ZNF746: variants seen among roughly 807,000 people sequenced by gnomAD.
ZNF746 encodes parkin-interacting substrate.
A neutral mutation model predicts 41.0 loss-of-function variants in ZNF746; 13 were observed. The observed-to-expected ratio is 0.32, with a 90% CI of 0.21 to 0.50. ZNF746 has a LOEUF of 0.50. Ranked by LOEUF, ZNF746 falls within the 20% of genes least tolerant of loss-of-function variation. The pLI, the probability that ZNF746 is intolerant of heterozygous loss-of-function variation, is 0.98. For missense variants in ZNF746, 811 were observed against 922.9 expected (o/e 0.88, Z 1.57); for synonymous variants, 424 against 396.2 (o/e 1.07, Z -0.83).
intron 4 of ZNF746, chr7:149,489,025 T>C (rs1800710451): frequency 6.6e-6 from 1 of 152,206 alleles, no homozygotes; most frequent in African/African-American, 2.4e-5. Flanking sequence ...TCAACATGGA[T>C]AAGTCTGAAA....
intron 4 of ZNF746, among the ~76,000 whole-genome samples, chr7:149,492,217 C>T (rs1275469466): frequency 6.6e-6 from 1 of 152,188 alleles, no homozygotes; most frequent in Non-Finnish European, 1.5e-5. Context: ...GACAGCTAGA[C>T]CAACCACTCC....
intron 6 of ZNF746, among the ~76,000 whole-genome samples, chr7:149,475,719 C>G (rs1357748536): frequency 6.6e-6 from 1 of 152,216 alleles, no homozygotes; most frequent in African/African-American, 2.4e-5. Flanking sequence ...ATCTGCTCCC[C>G]AGGCTCCATT....
At chr7:149,477,869 A>G (rs2116644367) in intron 4 of ZNF746, 114 bp from the exon 5 acceptor site, 1 of 857,700 alleles carries the variant, frequency 1.2e-6, no homozygotes, top group African/African-American at 1.7e-5. Flanking sequence ...CAACAGCAAA[A>G]GAGCCTGGTG....
At chr7:149,487,489 A>G (rs887212945) in intron 4 of ZNF746, 2 of 152,330 alleles carry the variant, frequency 1.3e-5, no homozygotes, top group East Asian at 3.9e-4. Flanking sequence ...ACGATGTCCT[A>G]GTCAAACTGC....
intron 1 of ZNF746, among the ~76,000 whole-genome samples, chr7:149,495,720 G>A (rs1703022002): frequency 2.6e-5 from 4 of 152,160 alleles, no homozygotes; most frequent in African/African-American, 7.2e-5. Flanking sequence ...GAATGCGGAT[G>A]GACAGCTCAA....
chr7:149,497,399 G>C lies in ZNF746; in HGVS notation c.24+114C>G. On this transcript the variant is annotated intron_variant, in intron 1 of 6. Transcript: ENST00000458143. The surrounding 1 kb of genome is among the most constrained non-coding windows in gnomAD (Gnocchi z 4.2). ...CCCATTCGCGGGAGCCCCAGGCCCG[G>C]TGGTCCGGCCCGGACCCCGGAACCC... The C allele has an allele frequency of 9.9e-6, 10 of 1,009,434 alleles. No individual in the cohort carries two copies. Among genetic ancestry groups the C allele is most frequent in the African/African-American group, 1.7e-5 (1 of 57,724 alleles). 62.5% of individuals were successfully genotyped at this position (1,009,434 alleles called of 1,614,324 possible). A position where few individuals can be genotyped will look rare whatever the true frequency, so the allele number is the denominator to read the frequency against.
chr7:149,477,511 C>T, intron 5 of ZNF746, 53 bp downstream of exon 5: 1 of 1,541,320 alleles, frequency 6.5e-7, no homozygotes, highest in East Asian at 2.3e-5. Flanking sequence ...CCTCCCCTGT[C>T]CCTCCTGTGA....
intron 3 of ZNF746, among the ~76,000 whole-genome samples, chr7:149,493,326 A>G (rs1800875331): frequency 6.6e-6 from 1 of 152,240 alleles, no homozygotes; most frequent in African/African-American, 2.4e-5. Flanking sequence ...CACGTTAAAC[A>G]GCAGTGCACT....
chr7:149,491,925 G>A (rs1286577700), intron 4 of ZNF746: 1 of 702,110 alleles, frequency 1.4e-6, no homozygotes, highest in Non-Finnish European at 2.6e-6. Context: ...GGTGCTGACT[G>A]GCTCCAGGGA....
chr7:149,481,349 T>C (rs569838253), intron 4 of ZNF746, among the ~76,000 whole-genome samples: 91 of 152,294 alleles, frequency 6.0e-4, no homozygotes, highest in Admixed American at 3.1e-3. Context: ...CCCACACACA[T>C]CCTCCTGTAT....
At position 149,473,807 on chromosome 7, in the gene ZNF746, G is replaced by C. The variant is rs1194572494; in HGVS notation, c.*577C>G. ...GGCCTTTTCAGGAGAGGCAAGCTGG[G>C]AAATGCAACCGCTACTCCCGGAGGG... is the stretch of plus-strand genomic sequence containing the variant. On this transcript the variant is annotated 3_prime_UTR_variant, in exon 7 of 7. Coordinates refer to ENST00000458143, the MANE Select transcript of ZNF746 (RefSeq NM_001394198.1). 1 of 156,208 alleles carries C rather than the reference G, an allele frequency of 6.4e-6. No individual in the cohort carries two copies. Among genetic ancestry groups the C allele is most frequent in the Non-Finnish European group, 1.4e-5 (1 of 70,258 alleles). The allele number at this position is 156,208 out of a possible 1,614,324, so 9.7% of individuals were successfully genotyped here. A position where few individuals can be genotyped will look rare whatever the true frequency, so the allele number is the denominator to read the frequency against.
chr7:149,497,358 C>T lies in ZNF746; in HGVS notation c.24+155G>A, dbSNP rs1801042163. On this transcript the variant is annotated intron_variant, in intron 1 of 6. Transcript: ENST00000458143. The surrounding 1 kb of genome is among the most constrained non-coding windows in gnomAD (Gnocchi z 4.2). ...GCCCGGCCGACGGGCGCAGTAGGCC[C>T]CGGCGGACCCCGCGCCCCATTCGCG... is the stretch of plus-strand genomic sequence containing the variant. The T allele has an allele frequency of 1.0e-6, 1 of 968,304 alleles. No individual in the cohort carries two copies. Among genetic ancestry groups the T allele is most frequent in the Non-Finnish European group, 1.2e-6 (1 of 814,586 alleles). The allele number at this position is 968,304 out of a possible 1,614,324, so 60.0% of individuals were successfully genotyped here. A position where few individuals can be genotyped will look rare whatever the true frequency, so the allele number is the denominator to read the frequency against.
intron 1 of ZNF746, chr7:149,496,796 C>T: frequency 1.2e-5 from 12 of 985,366 alleles, no homozygotes; most frequent in Non-Finnish European, 1.4e-5. Flanking sequence ...CACCTGGGCG[C>T]CAGCACTCAC....
chr7:149,493,023 G>A, intron 3 of ZNF746, 51 bp from the exon 4 acceptor site: 1 of 1,260,132 alleles, frequency 7.9e-7, no homozygotes, highest in Non-Finnish European at 1.2e-6. Context: ...CAAAGCTGGG[G>A]ACAGTCATCC....
At chr7:149,477,099 C>T in intron 5 of ZNF746, 52 bp from the exon 6 acceptor site, 5 of 1,561,588 alleles carry the variant, frequency 3.2e-6, no homozygotes, top group Non-Finnish European at 4.3e-6. Context: ...ACGGGGAGGA[C>T]AGAAGACTGT....
In ZNF746 at chr7:149,475,498, A is replaced by C. The variant is rs367924467; in HGVS notation, c.884-15T>G. 64 of 1,606,084 alleles carry C rather than the reference A, an allele frequency of 4.0e-5. No individual in the cohort carries two copies. The highest frequency in any genetic ancestry group is 5.2e-5 in the Non-Finnish European group (61 of 1,175,356). On this transcript the variant is annotated splice_polypyrimidine_tract_variant and intron_variant, in intron 6 of 6. Coordinates refer to ENST00000458143, the MANE Select transcript of ZNF746 (RefSeq NM_001394198.1). ...TTTTACATCTGCTGAGAAAGACAGA[A>C]AGACAGATACTGACCTGTCCCTTAA...
rs772332292 is a variant in ZNF746 at position 149,475,248 on chromosome 7, C to G, written c.1119G>C (p.Glu373Asp). Residue 373 changes from glutamate (E) to aspartate (D), a missense_variant, in exon 7 of 7, where the codon GAG (glutamate) becomes GAC (aspartate). This residue lies in a region of ZNF746 where 495 missense variants were observed against 481.6 expected (regional missense o/e 1.03). Transcript: ENST00000458143. ...EPARPERDMG[E>D]LSPAVAQEET... ...CCTCCTGGGCCACAGCAGGACTGAG[C>G]TCACCCATGTCCCTCTCAGGCCGGG... The G allele has an allele frequency of 2.2e-5, 36 of 1,612,918 alleles. No individual in the cohort carries two copies. The highest frequency in any genetic ancestry group is 2.9e-5 in the Non-Finnish European group (34 of 1,179,494).
intron 4 of ZNF746, among the ~76,000 whole-genome samples, chr7:149,483,725 TATA>T (rs1370497144): frequency 6.6e-6 from 1 of 151,726 alleles, no homozygotes; most frequent in Non-Finnish European, 1.5e-5. Flanking sequence ...AAATAATACA[TATA>T]AGAGTATCAT....
chr7:149,494,154 C>T lies in ZNF746; in HGVS notation c.325-39G>A, dbSNP rs1800905171. On this transcript the variant is annotated intron_variant, in intron 2 of 6. Coordinates refer to ENST00000458143, the MANE Select transcript of ZNF746 (RefSeq NM_001394198.1). This position sits in a 1 kb window ranked among gnomAD's most constrained non-coding sequence, Gnocchi z 5.6. Reference sequence around the variant, plus strand: ...TGTCACACTCGCTCACCCACACGCTCACGGGTTTGGCCGCTTGGGCTCCCA... The same window carrying T: ...TGTCACACTCGCTCACCCACACGCTTACGGGTTTGGCCGCTTGGGCTCCCA... The T allele has an allele frequency of 6.2e-7, 1 of 1,614,004 alleles. No individual in the cohort carries two copies. The highest frequency in any genetic ancestry group is 8.5e-7 in the Non-Finnish European group (1 of 1,179,876).
Sources: allele counts gnomAD v4.1 joint callset (sites outside exome capture counted in the v4.1 genomes callset), GRCh38; gene constraint gnomAD v4.1.1; regional missense constraint gnomAD v4.1.1; non-coding constraint Gnocchi (gnomAD v3.1); transcripts MANE v1.5; gene names NCBI Gene and HGNC (gene_info 2026-07-23, HGNC 2026-07-21).